The following TYW1 variants were observed in gnomAD, a reference collection of about 807,000 sequenced individuals.
TYW1 encodes tRNA-yW synthesizing protein 1 homolog, also known as S-adenosyl-L-methionine-dependent tRNA 4-demethylwyosine synthase TYW1.
TYW1 carries 46 observed loss-of-function variants against 96.2 expected under a neutral mutation model. That is an observed-to-expected ratio of 0.48 (90% CI 0.38 to 0.61). The LOEUF (loss-of-function observed/expected upper bound fraction) is 0.61. Ranked by LOEUF, TYW1 falls within the 20% of genes least tolerant of loss-of-function variation. The pLI is 0.00. For synonymous variants in TYW1, 274 were observed against 323.0 expected, an observed-to-expected ratio of 0.85 and a Z score of 1.63; for missense variants, 684 against 909.6, an observed-to-expected ratio of 0.75 and a Z score of 3.19.
chr7:67,083,018 T>C (rs1796433993), intron 10 of TYW1, among the ~76,000 whole-genome samples: 1 of 152,130 alleles, frequency 6.6e-6, no homozygotes, highest in African/African-American at 2.4e-5. Context: ...GAGAAACTCA[T>C]TCTCAGGCCC....
At chr7:67,155,663 AT>A (rs1305750635) in intron 13 of TYW1, among the ~76,000 whole-genome samples, 2 of 151,976 alleles carry the variant, frequency 1.3e-5, no homozygotes, top group South Asian at 2.1e-4. Context: ...GGTTCAAGTG[AT>A]TCTCATGCCT....
At chr7:67,182,057 TACCTC>T (rs1378852019) in intron 13 of TYW1, among the ~76,000 whole-genome samples, 1 of 151,962 alleles carries the variant, frequency 6.6e-6, no homozygotes, top group Non-Finnish European at 1.5e-5. Flanking sequence ...TCAAACTCCT[TACCTC>T]AGGTGATCCC....
At chr7:67,135,607 G>GTT (rs68006255) in intron 13 of TYW1, among the ~76,000 whole-genome samples, 201 of 146,016 alleles carry the variant, frequency 1.4e-3, no homozygotes, top group Middle Eastern at 3.6e-3. Context: ...CCAGCCAACA[G>GTT]TTTTTTTTTT....
At position 67,024,956 on chromosome 7, in the gene TYW1, G is replaced by A. The variant is rs1191172509; in HGVS notation, c.918G>A (p.Gln306=). The change falls in exon 7 of 16, where the codon CAG becomes CAA. Residue 306 remains glutamine, a synonymous_variant. Coordinates refer to ENST00000359626, the MANE Select transcript of TYW1 (RefSeq NM_018264.4). The stretch of plus-strand genomic sequence containing the variant: ...AAGAGTTTGGTGGTGAGGACCATCA[G>A]AGCCTAAATTCCATTGTTGATGTTG... ...SEEEFGGEDH[Q]SLNSIVDVED... 12 of 1,613,754 alleles carry A rather than the reference G, an allele frequency of 7.4e-6. No homozygotes were observed. The highest frequency in any genetic ancestry group is 9.3e-6 in the Non-Finnish European group (11 of 1,179,860).
chr7:67,220,852 C>T (rs1801368173), intron 15 of TYW1, among the ~76,000 whole-genome samples: 1 of 151,920 alleles, frequency 6.6e-6, no homozygotes, highest in African/African-American at 2.4e-5. Flanking sequence ...ATTCTTCTGC[C>T]TCAGCCCCCC....
chr7:67,227,074 C>T (rs1801584814), intron 15 of TYW1, among the ~76,000 whole-genome samples: 2 of 151,510 alleles, frequency 1.3e-5, no homozygotes, highest in Admixed American at 6.6e-5. Flanking sequence ...TGTTTTATTC[C>T]GTTTTGTCTA....
chr7:67,095,627 C>T (rs1191531714), intron 11 of TYW1, among the ~76,000 whole-genome samples: 1 of 152,040 alleles, frequency 6.6e-6, no homozygotes, highest in East Asian at 1.9e-4. Flanking sequence ...CATTGCACTC[C>T]TGCCTGGGCA....
intron 13 of TYW1, among the ~76,000 whole-genome samples, chr7:67,171,529 G>A (rs1799513078): frequency 1.3e-5 from 2 of 152,088 alleles, no homozygotes; most frequent in African/African-American, 4.8e-5. Flanking sequence ...TAGTTACTGA[G>A]AAAGTTCTTT....
intron 15 of TYW1, among the ~76,000 whole-genome samples, chr7:67,222,954 T>G (rs12155261): frequency 0.27 from 40,024 of 150,530 alleles, 5,683 homozygotes; most frequent in African/African-American, 0.36. Flanking sequence ...TGTAGAAATA[T>G]GCCTTTGAAT....
chr7:67,052,566 T>G (rs1047595254), intron 8 of TYW1, among the ~76,000 whole-genome samples: 2 of 152,182 alleles, frequency 1.3e-5, no homozygotes, highest in Non-Finnish European at 2.9e-5. Flanking sequence ...TATAACTGTT[T>G]TAATGTCCTA....
intron 9 of TYW1, 95 bp downstream of exon 9, chr7:67,055,982 A>G (rs1795503173): frequency 1.1e-6 from 1 of 948,614 alleles, no homozygotes; most frequent in African/African-American, 1.7e-5. Flanking sequence ...TTAGAGGTAT[A>G]ATTTACATTT....
intron 13 of TYW1, among the ~76,000 whole-genome samples, chr7:67,182,433 G>A (rs1799870709): frequency 2.0e-5 from 3 of 152,142 alleles, no homozygotes; most frequent in East Asian, 1.9e-4. Context: ...GCGTGATGAC[G>A]TGTGCCTATA....
chr7:67,214,792 T>C (rs1175447094), intron 15 of TYW1, among the ~76,000 whole-genome samples: 1 of 143,454 alleles, frequency 7.0e-6, no homozygotes, highest in African/African-American at 2.7e-5. Context: ...CCTATTGATA[T>C]GACAGATTAC....
intron 3 of TYW1, among the ~76,000 whole-genome samples, chr7:67,007,240 A>T (rs1793629287): frequency 6.6e-6 from 1 of 152,112 alleles, no homozygotes; most frequent in Admixed American, 6.6e-5. Flanking sequence ...GAAGCCTCCC[A>T]AGGATACCTG....
intron 4 of TYW1, 41 bp downstream of exon 4, chr7:67,009,725 T>C (rs1244498820): frequency 2.7e-6 from 4 of 1,500,388 alleles, no homozygotes; most frequent in Non-Finnish European, 3.6e-6. Flanking sequence ...CTCTCAAATT[T>C]AACTGATCTG....
chr7:67,159,468 A>G (rs563823011), intron 13 of TYW1, among the ~76,000 whole-genome samples: 1 of 152,286 alleles, frequency 6.6e-6, no homozygotes, highest in Admixed American at 6.5e-5. Flanking sequence ...CAGCTTTATA[A>G]ACAATAACAT....
At chr7:67,079,099 T>C (rs568041569) in intron 10 of TYW1, among the ~76,000 whole-genome samples, 1 of 152,226 alleles carries the variant, frequency 6.6e-6, no homozygotes, top group South Asian at 2.1e-4. Flanking sequence ...ACTGGCCTCG[T>C]ATAATACTGA....
At chr7:67,042,971 T>G (rs1795078587) in intron 7 of TYW1, among the ~76,000 whole-genome samples, 1 of 151,936 alleles carries the variant, frequency 6.6e-6, no homozygotes, top group African/African-American at 2.4e-5. Context: ...TACTCCAGCT[T>G]AGGCAACAGC....
At chr7:67,057,543 G>GTATT (rs1321516315) in intron 9 of TYW1, among the ~76,000 whole-genome samples, 2 of 151,872 alleles carry the variant, frequency 1.3e-5, no homozygotes, top group African/African-American at 4.8e-5. Flanking sequence ...TTGAATTTGT[G>GTATT]TATTTTTAGT....
Sources: allele counts gnomAD v4.1 joint callset (sites outside exome capture counted in the v4.1 genomes callset), GRCh38; gene constraint gnomAD v4.1.1; transcripts MANE v1.5; gene names NCBI Gene and HGNC (gene_info 2026-07-23, HGNC 2026-07-21).